IGFBP7: variants seen among roughly 807,000 people sequenced by gnomAD.
IGFBP7 encodes insulin-like growth factor-binding protein 7.
IGFBP7 carries 31 observed loss-of-function variants against 29.4 expected under a neutral mutation model. The ratio of observed to expected loss-of-function variants is 1.05; its 90% CI spans 0.79 to 1.42. The LOEUF (loss-of-function observed/expected upper bound fraction) is 1.42, where lower values mean the gene tolerates loss of function less well. IGFBP7 is among the 40% of genes most tolerant of loss of function. The pLI, the probability that IGFBP7 is intolerant of heterozygous loss-of-function variation, is 0.00. For missense variants in IGFBP7, 393 were observed against 395.5 expected, an observed-to-expected ratio of 0.99 and a Z score of 0.05; for synonymous variants, 172 against 174.9, an observed-to-expected ratio of 0.98 and a Z score of 0.13.
intron 1 of IGFBP7, among the ~76,000 whole-genome samples, chr4:57,092,805 T>C (rs920199773): frequency 6.6e-6 from 1 of 150,998 alleles, no homozygotes; most frequent in Non-Finnish European, 1.5e-5. Context: ...GAAAAACGAG[T>C]AAATTATGGT....
chr4:57,042,264 C>A (rs1724246258), intron 1 of IGFBP7, among the ~76,000 whole-genome samples: 1 of 152,188 alleles, frequency 6.6e-6, no homozygotes, highest in East Asian at 1.9e-4. Context: ...CTAACTATGG[C>A]CTGTGGGCCA....
At chr4:57,106,850 TTTA>T (rs1175414091) in intron 1 of IGFBP7, among the ~76,000 whole-genome samples, 1 of 152,342 alleles carries the variant, frequency 6.6e-6, no homozygotes, top group East Asian at 1.9e-4. Flanking sequence ...TCAACTTCTT[TTTA>T]TTAAATGGAA....
chr4:57,062,464 T>C (rs973565669), intron 1 of IGFBP7, among the ~76,000 whole-genome samples: 1 of 152,178 alleles, frequency 6.6e-6, no homozygotes, highest in Non-Finnish European at 1.5e-5. Context: ...TTCTGAGGTG[T>C]TATCTGAGTG....
chr4:57,061,292 A>G (rs148056805), intron 1 of IGFBP7, among the ~76,000 whole-genome samples: 1 of 152,248 alleles, frequency 6.6e-6, no homozygotes, highest in African/African-American at 2.4e-5. Context: ...TATTAATAGT[A>G]TATATTAATA....
intron 1 of IGFBP7, among the ~76,000 whole-genome samples, chr4:57,063,539 C>T (rs1724847116): frequency 6.6e-6 from 1 of 152,180 alleles, no homozygotes; most frequent in Non-Finnish European, 1.5e-5. Flanking sequence ...GGAACCATTC[C>T]AAGAAACTGG....
Position 57,110,345 on chromosome 4 carries a change from G to A in IGFBP7, c.7C>T (p.Arg3Trp). The A allele has an allele frequency of 3.7e-6, 5 of 1,367,214 alleles. No individual in the cohort carries two copies. Among genetic ancestry groups the A allele is most frequent in the Non-Finnish European group, 3.8e-6 (4 of 1,058,892 alleles). The allele number at this position is 1,367,214 out of a possible 1,614,324, so 84.7% of individuals were successfully genotyped here. Residue 3 changes from arginine to tryptophan, a missense_variant, in exon 1 of 5, where the codon CGG (arginine) becomes TGG (tryptophan). By Grantham distance (101) the Arg-to-Trp change is moderately radical. Transcript: ENST00000295666. Reference sequence around the variant, plus strand: ...AGGAGCAGGGCGCGCAGCGACGGCCGCTCCATGGCGGGGTGCGGTGGCAGC... The same window carrying A: ...AGGAGCAGGGCGCGCAGCGACGGCCACTCCATGGCGGGGTGCGGTGGCAGC... Reference protein sequence around the residue: MERPSLRALLLGA... With the variant: MEWPSLRALLLGA...
intron 1 of IGFBP7, among the ~76,000 whole-genome samples, chr4:57,059,940 A>C (rs1207914223): frequency 1.3e-5 from 2 of 152,158 alleles, no homozygotes; most frequent in African/African-American, 2.4e-5. Flanking sequence ...TAACTAACTA[A>C]ATCACATTTC....
At chr4:57,080,446 G>A (rs555847108) in intron 1 of IGFBP7, among the ~76,000 whole-genome samples, 7 of 152,300 alleles carry the variant, frequency 4.6e-5, no homozygotes, top group Middle Eastern at 3.4e-3. Context: ...GCAGACACAC[G>A]AAGGGTTTTC....
chr4:57,107,998 G>GA (rs1350052864), intron 1 of IGFBP7, among the ~76,000 whole-genome samples: 2 of 152,106 alleles, frequency 1.3e-5, no homozygotes, highest in Admixed American at 6.5e-5. Flanking sequence ...CTGCCATTTT[G>GA]AAAAAACTAT....
At chr4:57,031,443 A>G in intron 4 of IGFBP7, 107 bp from the exon 5 acceptor site, 1 of 801,630 alleles carries the variant, frequency 1.2e-6, no homozygotes, top group Non-Finnish European at 2.1e-6. Flanking sequence ...ATGTTAAAAT[A>G]TGGGGATAAA....
chr4:57,033,195 C>G lies in IGFBP7; in HGVS notation c.702G>C (p.Leu234=). 6.2e-7 allele frequency: 1 copy of G among 1,600,896 alleles called. No homozygotes were observed. Among genetic ancestry groups the G allele is most frequent in the Non-Finnish European group, 8.6e-7 (1 of 1,167,934 alleles). The part of the protein sequence containing the change: ...PEKHEVTGWV[L]VSPLSKEDAG... ...GCCAGCTCTTGGTACTGGTACTCAC[C>G]AGCACCCAGCCAGTTACTTCATGCT... is the stretch of plus-strand genomic sequence containing the variant. The change falls in exon 3 of 5, where the codon CTG becomes CTC. Residue 234 remains leucine, a splice_region_variant and synonymous_variant. Coordinates refer to ENST00000295666, the MANE Select transcript of IGFBP7 (RefSeq NM_001553.3).
chr4:57,051,930 G>A (rs1724513923), intron 1 of IGFBP7, among the ~76,000 whole-genome samples: 1 of 152,172 alleles, frequency 6.6e-6, no homozygotes, highest in Non-Finnish European at 1.5e-5. Context: ...TGCCTGAGGA[G>A]AGGCAGGAAA....
chr4:57,058,458 T>G lies in IGFBP7; in HGVS notation c.476-17525A>C, dbSNP rs1412986209. Among the ~76,000 whole-genome samples, 3 of 152,130 alleles carry G rather than the reference T, an allele frequency of 2.0e-5. 1 individual carries two copies. In the South Asian group the frequency reaches 6.2e-4, roughly 31 times the overall value. ...AAATAAGCCTGCACGCCTACAACCA[T>G]CTGATCTTCAACAAAGCTAACAAAA... On this transcript the variant is annotated intron_variant, in intron 1 of 4. Transcript: ENST00000295666.
chr4:57,082,937 C>CT (rs1180991756), intron 1 of IGFBP7, among the ~76,000 whole-genome samples: 1 of 152,016 alleles, frequency 6.6e-6, no homozygotes, highest in Non-Finnish European at 1.5e-5. Flanking sequence ...CTTAAACTGC[C>CT]TTTTTTTCAG....
chr4:57,090,083 C>G (rs1012962189), intron 1 of IGFBP7, among the ~76,000 whole-genome samples: 1 of 152,170 alleles, frequency 6.6e-6, no homozygotes, highest in Non-Finnish European at 1.5e-5. Flanking sequence ...CCATTTTGGC[C>G]AAGCCACTAG....
intron 1 of IGFBP7, among the ~76,000 whole-genome samples, chr4:57,072,479 G>A (rs147010928): frequency 4.1e-4 from 63 of 152,256 alleles, no homozygotes; most frequent in Middle Eastern, 6.8e-3. Flanking sequence ...GATACAACGA[G>A]CTGTGTTCAC....
At chr4:57,032,391 G>A in intron 4 of IGFBP7, 35 bp downstream of exon 4, 1 of 1,611,000 alleles carries the variant, frequency 6.2e-7, no homozygotes, top group Non-Finnish European at 8.5e-7. Context: ...AAATGTACTA[G>A]TCATTTTTAA....
At chr4:57,055,791 T>TA (rs1724653693) in intron 1 of IGFBP7, among the ~76,000 whole-genome samples, 2 of 152,096 alleles carry the variant, frequency 1.3e-5, no homozygotes, top group East Asian at 1.9e-4. Context: ...GGGTCTTATC[T>TA]AAAATCCCTC....
At chr4:57,084,175 T>C (rs2109788713) in intron 1 of IGFBP7, among the ~76,000 whole-genome samples, 1 of 152,362 alleles carries the variant, frequency 6.6e-6, no homozygotes, top group Non-Finnish European at 1.5e-5. Flanking sequence ...CTTGATTATA[T>C]ATGATTAATT....
Sources: allele counts gnomAD v4.1 joint callset (sites outside exome capture counted in the v4.1 genomes callset), GRCh38; gene constraint gnomAD v4.1.1; transcripts MANE v1.5; gene names NCBI Gene and HGNC (gene_info 2026-07-23, HGNC 2026-07-21).